DDX4: variants seen among roughly 807,000 people sequenced by gnomAD.
The protein encoded by DDX4 is DEAD-box helicase 4.
DDX4 carries 25 observed loss-of-function variants against 100.0 expected under a neutral mutation model. The ratio of observed to expected loss-of-function variants is 0.25; its 90% CI spans 0.18 to 0.35. The LOEUF (loss-of-function observed/expected upper bound fraction) is 0.35, where lower values mean the gene tolerates loss of function less well. Ranked by LOEUF, DDX4 falls within the 10% of genes least tolerant of loss-of-function variation. DDX4 has a pLI of 1.00. For synonymous variants in DDX4, 259 were observed against 275.7 expected, an observed-to-expected ratio of 0.94 and a Z score of 0.60; for missense variants, 635 against 882.4, an observed-to-expected ratio of 0.72 and a Z score of 3.55.
intron 3 of DDX4, among the ~76,000 whole-genome samples, chr5:55,749,494 G>A (rs1759422351): frequency 6.6e-6 from 1 of 152,130 alleles, no homozygotes; most frequent in South Asian, 2.1e-4. Context: ...TTAAAATCCT[G>A]GTTAGAAAGT....
intron 18 of DDX4, among the ~76,000 whole-genome samples, chr5:55,810,992 T>C (rs958386087): frequency 6.6e-6 from 1 of 151,624 alleles, no homozygotes; most frequent in Non-Finnish European, 1.5e-5. Context: ...CTCTTTAGTC[T>C]TTTTTTCTTC....
chr5:55,783,086 C>CT (rs1326508878), intron 10 of DDX4, among the ~76,000 whole-genome samples: 1 of 152,094 alleles, frequency 6.6e-6, no homozygotes, highest in Non-Finnish European at 1.5e-5. Flanking sequence ...GCCACTGCGC[C>CT]TGACCTTAAA....
intron 7 of DDX4, among the ~76,000 whole-genome samples, chr5:55,771,685 A>G (rs1461281422): frequency 6.6e-6 from 1 of 152,150 alleles, no homozygotes; most frequent in African/African-American, 2.4e-5. Context: ...CTCACATTCT[A>G]ACCAATGCTT....
intron 2 of DDX4, among the ~76,000 whole-genome samples, chr5:55,742,933 A>G (rs1759060009): frequency 6.6e-6 from 1 of 152,062 alleles, no homozygotes; most frequent in Non-Finnish European, 1.5e-5. Context: ...TCAGACAGTG[A>G]CTCATGAGCC....
At chr5:55,773,745 C>T (rs115679965) in intron 7 of DDX4, among the ~76,000 whole-genome samples, 3,675 of 152,158 alleles carry the variant, frequency 0.024, 59 homozygotes, top group South Asian at 0.051. Context: ...CCACCTCAGC[C>T]CTCTGTGTAG....
intron 7 of DDX4, among the ~76,000 whole-genome samples, chr5:55,769,869 CT>C (rs113402904): frequency 1.6e-3 from 229 of 141,296 alleles, no homozygotes; most frequent in Middle Eastern, 7.4e-3. Context: ...CCTTCTTTTA[CT>C]TTTTTTTTTT....
chr5:55,746,138 AG>A (rs2111601719), intron 2 of DDX4, 25 bp from the exon 3 acceptor site: 1 of 1,569,030 alleles, frequency 6.4e-7, no homozygotes, highest in East Asian at 2.2e-5. Flanking sequence ...GTAGGAAACT[AG>A]TTTTTTCTTT....
At chr5:55,785,596 T>C (rs1471549748) in intron 12 of DDX4, 102 bp downstream of exon 12, 3 of 1,305,462 alleles carry the variant, frequency 2.3e-6, no homozygotes, top group Non-Finnish European at 3.2e-6. Flanking sequence ...ATTTGAACAG[T>C]GAAAACTTTA....
intron 16 of DDX4, 145 bp downstream of exon 16, chr5:55,790,850 T>G: frequency 1.4e-6 from 1 of 722,642 alleles, no homozygotes; most frequent in Non-Finnish European, 2.4e-6. Flanking sequence ...TGCATTCTTA[T>G]ATAATTCTCA....
intron 5 of DDX4, 149 bp downstream of exon 5, chr5:55,763,401 T>G: frequency 1.7e-6 from 1 of 580,898 alleles, no homozygotes; most frequent in Non-Finnish European, 3.0e-6. Context: ...ATTATCTTAT[T>G]AAAACTTATT....
At chr5:55,747,884 T>C (rs6881540) in intron 3 of DDX4, among the ~76,000 whole-genome samples, 124 of 152,328 alleles carry the variant, frequency 8.1e-4, no homozygotes, top group African/African-American at 2.9e-3. Context: ...GGTAGTAATT[T>C]TATCATTTTT....
chr5:55,808,943 C>T (rs1743932573), intron 18 of DDX4, among the ~76,000 whole-genome samples: 2 of 152,226 alleles, frequency 1.3e-5, no homozygotes, highest in African/African-American at 4.8e-5. Context: ...GCAGGCCTCC[C>T]TGAGATGCGG....
intron 18 of DDX4, among the ~76,000 whole-genome samples, chr5:55,809,119 T>G (rs1469191315): frequency 6.6e-6 from 1 of 152,202 alleles, no homozygotes; most frequent in Non-Finnish European, 1.5e-5. Context: ...TTGAGCCAGG[T>G]GTGGGATATA....
At chr5:55,781,005 C>T in intron 8 of DDX4, 61 bp from the exon 9 acceptor site, 1 of 1,469,908 alleles carries the variant, frequency 6.8e-7, no homozygotes, top group Non-Finnish European at 9.3e-7. Flanking sequence ...TTTCTGTTTA[C>T]TGAACGATTA....
At chr5:55,795,311 A>T (rs1742864755) in intron 17 of DDX4, among the ~76,000 whole-genome samples, 1 of 152,172 alleles carries the variant, frequency 6.6e-6, no homozygotes, top group African/African-American at 2.4e-5. Context: ...TCCCAGATGA[A>T]TGACTAGTAA....
intron 7 of DDX4, among the ~76,000 whole-genome samples, chr5:55,778,364 T>C (rs1725872246): frequency 6.6e-6 from 1 of 152,098 alleles, no homozygotes; most frequent in Non-Finnish European, 1.5e-5. Context: ...AACTTGCTAA[T>C]AGAGGAAATC....
chr5:55,770,389 C>T (rs1160111146), intron 7 of DDX4, among the ~76,000 whole-genome samples: 1 of 152,114 alleles, frequency 6.6e-6, no homozygotes, highest in Non-Finnish European at 1.5e-5. Flanking sequence ...TGTATTTCAC[C>T]ATACTCTGGT....
chr5:55,765,390 T>TC (rs1740829439), intron 6 of DDX4, among the ~76,000 whole-genome samples: 1 of 99,656 alleles, frequency 1.0e-5, no homozygotes, highest in South Asian at 3.2e-4. Flanking sequence ...CGTTTTTAGT[T>TC]CCCCTAAAAA....
intron 3 of DDX4, among the ~76,000 whole-genome samples, chr5:55,755,292 GCTA>G (rs2111719574): frequency 6.6e-6 from 1 of 152,148 alleles, no homozygotes; most frequent in South Asian, 2.1e-4. Flanking sequence ...TTTGCATTAG[GCTA>G]CTAATAGTTA....
Sources: gnomAD v4.1 joint callset for allele counts (sites outside exome capture counted in the v4.1 genomes callset) on GRCh38, gnomAD v4.1.1 for gene constraint, MANE v1.5 for transcripts, NCBI Gene and HGNC (gene_info 2026-07-23, HGNC 2026-07-21) for gene names.